The following PLEKHM3 variants were observed in gnomAD, a reference collection of about 807,000 sequenced individuals.
PLEKHM3 encodes pleckstrin homology domain-containing family M member 3.
PLEKHM3 carries 45 observed loss-of-function variants against 81.8 expected under a neutral mutation model. That is an observed-to-expected ratio of 0.55 (90% CI 0.43 to 0.71). The LOEUF (loss-of-function observed/expected upper bound fraction) is 0.71. Among genes scored for constraint, PLEKHM3 ranks in the 30% least tolerant of loss-of-function variants. PLEKHM3 has a pLI of 0.00. For missense variants in PLEKHM3, 788 were observed against 924.3 expected, an observed-to-expected ratio of 0.85 and a Z score of 1.91; for synonymous variants, 352 against 356.4, an observed-to-expected ratio of 0.99 and a Z score of 0.14.
At chr2:207,861,821 G>T (rs2092469026) in intron 6 of PLEKHM3, among the ~76,000 whole-genome samples, 1 of 152,062 alleles carries the variant, frequency 6.6e-6, no homozygotes, top group Admixed American at 6.6e-5. Context: ...CAGCCTGTAG[G>T]TTTTTTTCTT....
chr2:207,986,838 A>AT (rs370986896), intron 2 of PLEKHM3, among the ~76,000 whole-genome samples: 8,266 of 126,310 alleles, frequency 0.065, 688 homozygotes, highest in African/African-American at 0.17. Context: ...TGCCCAGCTA[A>AT]TTTTTTTTTT....
intron 7 of PLEKHM3, among the ~76,000 whole-genome samples, chr2:207,841,506 T>A (rs2092354116): frequency 7.6e-6 from 1 of 130,880 alleles, no homozygotes; most frequent in Non-Finnish European, 1.6e-5. Flanking sequence ...TATATATATA[T>A]ATTCACCACC....
chr2:207,905,363 C>T (rs1688567796), intron 6 of PLEKHM3, among the ~76,000 whole-genome samples: 1 of 152,172 alleles, frequency 6.6e-6, no homozygotes, highest in Non-Finnish European at 1.5e-5. Context: ...ATGAAGCAGT[C>T]CAGAAGAGGC....
intron 7 of PLEKHM3, among the ~76,000 whole-genome samples, chr2:207,836,848 A>G (rs947486701): frequency 6.6e-6 from 1 of 152,164 alleles, no homozygotes; most frequent in African/African-American, 2.4e-5. Context: ...TTCAGGCTTC[A>G]GTTTGGTTGC....
chr2:207,842,163 T>C (rs1014137922), intron 7 of PLEKHM3, among the ~76,000 whole-genome samples: 2 of 152,210 alleles, frequency 1.3e-5, no homozygotes, highest in Non-Finnish European at 2.9e-5. Flanking sequence ...GGCCTCGATC[T>C]GACCTCGTGA....
At chr2:207,891,723 A>G (rs1217041903) in intron 6 of PLEKHM3, among the ~76,000 whole-genome samples, 1 of 152,186 alleles carries the variant, frequency 6.6e-6, no homozygotes, top group East Asian at 1.9e-4. Context: ...GCCCCCTTTT[A>G]GTTCATTCTT....
At chr2:207,927,497 TAGAGTGAGACTCTGTCTCAAAA>T (rs1689437071) in intron 5 of PLEKHM3, among the ~76,000 whole-genome samples, 2 of 94,062 alleles carry the variant, frequency 2.1e-5, no homozygotes, top group Admixed American at 2.6e-4. Context: ...GCCTGGGCGA[TAGAGTGAGACTCTGTCTCAAAA>T]AAAAAAAAAA....
At chr2:207,936,859 G>A (rs1689772951) in intron 4 of PLEKHM3, among the ~76,000 whole-genome samples, 1 of 151,572 alleles carries the variant, frequency 6.6e-6, no homozygotes, top group Non-Finnish European at 1.5e-5. Flanking sequence ...GTGTGTGTGT[G>A]TGTGTGTGTG....
At chr2:207,961,418 C>CTAA (rs1316132627) in intron 3 of PLEKHM3, among the ~76,000 whole-genome samples, 2 of 152,054 alleles carry the variant, frequency 1.3e-5, no homozygotes, top group Non-Finnish European at 2.9e-5. Context: ...TGATATATAC[C>CTAA]TAGTTAGAAT....
intron 6 of PLEKHM3, among the ~76,000 whole-genome samples, chr2:207,894,008 A>G (rs1375070503): frequency 6.6e-6 from 1 of 152,142 alleles, no homozygotes; most frequent in East Asian, 1.9e-4. Context: ...TTTCAGCTAC[A>G]TGAGAGACTG....
chr2:207,971,798 C>G (rs937611894), intron 3 of PLEKHM3, among the ~76,000 whole-genome samples: 4 of 152,190 alleles, frequency 2.6e-5, no homozygotes, highest in Admixed American at 6.5e-5. Context: ...CAGGTGTCCC[C>G]GAAAAGCTGT....
intron 4 of PLEKHM3, among the ~76,000 whole-genome samples, chr2:207,937,558 C>T (rs983582138): frequency 1.4e-5 from 2 of 141,958 alleles, no homozygotes; most frequent in African/African-American, 2.6e-5. Flanking sequence ...TAACAGAGCA[C>T]GACACTGTCT....
chr2:207,851,620 A>T (rs1303492146), intron 7 of PLEKHM3: 1 of 151,916 alleles, frequency 6.6e-6, no homozygotes, highest in Non-Finnish European at 1.5e-5. Flanking sequence ...GGTGCCTGTA[A>T]TCCCAGATAC....
At chr2:207,952,572 A>G (rs370725987) in intron 3 of PLEKHM3, among the ~76,000 whole-genome samples, 8 of 152,266 alleles carry the variant, frequency 5.3e-5, no homozygotes, top group African/African-American at 1.2e-4. Flanking sequence ...ATAAGGTATT[A>G]CATTTGGTAT....
intron 5 of PLEKHM3, among the ~76,000 whole-genome samples, chr2:207,922,552 C>A (rs1379735613): frequency 6.6e-6 from 1 of 151,942 alleles, no homozygotes; most frequent in Non-Finnish European, 1.5e-5. Flanking sequence ...GTGGCTCACG[C>A]CTGTAATCCC....
chr2:207,930,833 C>A, intron 5 of PLEKHM3, 93 bp downstream of exon 5: 1 of 1,392,418 alleles, frequency 7.2e-7, no homozygotes, highest in Non-Finnish European at 9.8e-7. Flanking sequence ...AGAGGCGGTC[C>A]GTGCTGGAAA....
Position 208,007,921 on chromosome 2 carries a change from C to T in PLEKHM3, c.-318-5964G>A, listed in dbSNP as rs149180397. ...ACAAAAAATTAGCTGAGCATGGTGG[C>T]GGGTACCTGTAGTCCCAGCTACTCG... On this transcript the variant is annotated intron_variant, in intron 1 of 7. Coordinates refer to ENST00000427836, the MANE Select transcript of PLEKHM3 (RefSeq NM_001080475.3). Among the ~76,000 whole-genome samples, 534 of 152,174 alleles carry T rather than the reference C, an allele frequency of 3.5e-3. 5 individuals are homozygous for T. The highest frequency in any genetic ancestry group is 0.012 in the African/African-American group (514 of 41,502).
chr2:207,978,908 A>T (rs1691421105), intron 2 of PLEKHM3, among the ~76,000 whole-genome samples: 1 of 152,082 alleles, frequency 6.6e-6, no homozygotes, highest in African/African-American at 2.4e-5. Context: ...TAAGTCTTAA[A>T]TTTTTTTTAA....
chr2:207,986,916 G>T (rs1691744288), intron 2 of PLEKHM3, among the ~76,000 whole-genome samples: 1 of 145,908 alleles, frequency 6.9e-6, no homozygotes, highest in Non-Finnish European at 1.5e-5. Context: ...CTGGGCTCAA[G>T]CAATCCTATT....
Sources: allele counts gnomAD v4.1 joint callset (sites outside exome capture counted in the v4.1 genomes callset), GRCh38; gene constraint gnomAD v4.1.1; transcripts MANE v1.5; gene names NCBI Gene and HGNC (gene_info 2026-07-23, HGNC 2026-07-21).